Variants in IFI44 observed in about 807,000 individuals in gnomAD.
The protein encoded by IFI44 is interferon induced protein 44.
IFI44 carries 42 observed loss-of-function variants against 45.0 expected under a neutral mutation model. That is an observed-to-expected ratio of 0.93 (90% CI 0.73 to 1.21). IFI44 has a LOEUF of 1.21. Ranked by LOEUF, IFI44 falls within the 50% of genes most tolerant of loss-of-function variation. The pLI is 0.00. For synonymous variants in IFI44, 221 were observed against 188.6 expected (o/e 1.17, Z -1.41); for missense variants, 623 against 525.8 (o/e 1.18, Z -1.81).
chr1:78,650,678 G>T lies in IFI44; in HGVS notation c.457+26G>T, dbSNP rs113609396. The T allele has an allele frequency of 1.2e-5, 17 of 1,432,248 alleles. No homozygotes were observed. The African/African-American group carries it at 1.7e-4, about 14-fold the overall frequency. The allele number at this position is 1,432,248 out of a possible 1,614,324, so 88.7% of individuals were successfully genotyped here. A position where few individuals can be genotyped will look rare whatever the true frequency, so the allele number is the denominator to read the frequency against. On this transcript the variant is annotated intron_variant, in intron 2 of 8. Transcript: ENST00000370747. ...GTAGGTTTAATTAGATAATCCTGTA[G>T]AGAGTTCTCCCTTGCATGTTTGGTA...
chr1:78,656,256 G>C (rs1187270418), intron 5 of IFI44, among the ~76,000 whole-genome samples: 1 of 152,160 alleles, frequency 6.6e-6, no homozygotes, highest in Non-Finnish European at 1.5e-5. Flanking sequence ...AAAACACTGA[G>C]CACTGTCAGT....
chr1:78,655,271 G>A (rs1355741766), intron 4 of IFI44, 62 bp downstream of exon 4: 1 of 1,566,890 alleles, frequency 6.4e-7, no homozygotes, highest in Admixed American at 1.9e-5. Flanking sequence ...TATTTCAAAA[G>A]CCTTTTGCAG....
At chr1:78,657,789 C>G (rs1379247499) in intron 5 of IFI44, among the ~76,000 whole-genome samples, 2 of 152,090 alleles carry the variant, frequency 1.3e-5, no homozygotes, top group Non-Finnish European at 2.9e-5. Flanking sequence ...TTATTAAGAA[C>G]TCAATATGAA....
At chr1:78,653,902 C>T (rs143522348) in intron 2 of IFI44, among the ~76,000 whole-genome samples, 188 of 152,308 alleles carry the variant, frequency 1.2e-3, no homozygotes, top group South Asian at 0.011. Context: ...GATATTCCCA[C>T]ATCTCTAGGC....
At chr1:78,651,310 G>A (rs989000147) in intron 2 of IFI44, among the ~76,000 whole-genome samples, 54 of 152,288 alleles carry the variant, frequency 3.5e-4, no homozygotes, top group Admixed American at 2.0e-3. Context: ...CCATCTTGGG[G>A]TGATGGGAGA....
chr1:78,652,645 G>C (rs571768664), intron 2 of IFI44, among the ~76,000 whole-genome samples: 1 of 152,158 alleles, frequency 6.6e-6, no homozygotes, highest in Non-Finnish European at 1.5e-5. Context: ...TTTGTACGTA[G>C]CAATAGTTTG....
In IFI44 at chr1:78,655,103, T is replaced by A. The variant is rs181332399; in HGVS notation, c.584T>A (p.Ile195Asn). 1 of 1,613,930 alleles carries A rather than the reference T, an allele frequency of 6.2e-7. No individual in the cohort carries two copies. Among genetic ancestry groups the A allele is most frequent in the East Asian group, 2.2e-5 (1 of 44,858 alleles). Reference protein sequence around the residue: ...QQIRILLLGPIGAGKSSFFNS... With the variant: ...QQIRILLLGPNGAGKSSFFNS... ...ATACGAATTCTGCTGCTGGGTCCAA[T>A]TGGAGCTGGGAAGTCCAGCTTTTTC... The change falls in exon 4 of 9, where the codon ATT becomes AAT. Residue 195 changes from isoleucine (I) to asparagine (N), a missense_variant. By Grantham distance (149) the Ile-to-Asn change is moderately radical. Transcript: ENST00000370747.
At chr1:78,661,134 C>G (rs1647426587) in intron 7 of IFI44, among the ~76,000 whole-genome samples, 1 of 152,096 alleles carries the variant, frequency 6.6e-6, no homozygotes, top group African/African-American at 2.4e-5. Flanking sequence ...ATGATTTCGG[C>G]TCACTGCAAC....
Position 78,659,276 on chromosome 1 carries a change from G to C in IFI44, c.841-36G>C, listed in dbSNP as rs57140825. 3.2e-6 allele frequency: 5 copies of C among 1,544,832 alleles called. No homozygotes were observed. The South Asian group carries it at 5.6e-5, about 17-fold the overall frequency. ...ACATAGTTTGTGCTCATAAATATTT[G>C]TTGAATTAATATCTTGCTTTATGTC... is the stretch of plus-strand genomic sequence containing the variant. On this transcript the variant is annotated intron_variant, in intron 5 of 8. Transcript: ENST00000370747.
intron 2 of IFI44, 60 bp downstream of exon 2, chr1:78,650,712 C>A: frequency 1.8e-6 from 2 of 1,109,032 alleles, no homozygotes; most frequent in Non-Finnish European, 2.6e-6. Context: ...TAGGTTTGAA[C>A]CAATTCATCT....
chr1:78,659,514 T>A, intron 6 of IFI44, 31 bp downstream of exon 6: 4 of 1,566,900 alleles, frequency 2.6e-6, no homozygotes, highest in Non-Finnish European at 3.5e-6. Flanking sequence ...CTAAGGGTAA[T>A]ACCACTAAGG....
chr1:78,655,079 T>A lies in IFI44; in HGVS notation c.560T>A (p.Ile187Lys). The part of the protein sequence containing the change: ...YEPYGSLVQQ[I>K]RILLLGPIGA... ...CCATATGGATCCCTGGTTCAACAAA[T>A]ACGAATTCTGCTGCTGGGTCCAATT... Residue 187 changes from isoleucine to lysine, a missense_variant, in exon 4 of 9, where the codon ATA becomes AAA. By Grantham distance (102) the Ile-to-Lys change is moderately radical. Transcript: ENST00000370747. 1 of 1,613,934 alleles carries A rather than the reference T, an allele frequency of 6.2e-7. No individual in the cohort carries two copies. Among genetic ancestry groups the A allele is most frequent in the Non-Finnish European group, 8.5e-7 (1 of 1,179,874 alleles).
chr1:78,663,587 T>C (rs1213281616), intron 8 of IFI44, 178 bp from the exon 9 acceptor site: 1 of 985,272 alleles, frequency 1.0e-6, no homozygotes. Context: ...ACTCTCATGT[T>C]ACTAACTTTG....
intron 5 of IFI44, among the ~76,000 whole-genome samples, chr1:78,655,949 C>T (rs939549288): frequency 6.6e-6 from 1 of 151,992 alleles, no homozygotes; most frequent in Non-Finnish European, 1.5e-5. Flanking sequence ...TTGGAGGTAG[C>T]GACTTTGGGA....
rs754820682 is a variant in IFI44 at position 78,659,353 on chromosome 1, C to T, written c.882C>T (p.Tyr294=). 2 of 1,613,316 alleles carry T rather than the reference C, an allele frequency of 1.2e-6. No homozygotes were observed. Among genetic ancestry groups the T allele is most frequent in the South Asian group, 2.2e-5 (2 of 91,062 alleles). Residue 294 remains tyrosine (Y), a synonymous_variant, in exon 6 of 9, where the codon TAC becomes TAT. Transcript: ENST00000370747. ...CAATCAAATTAAATCATCATGACTA[C>T]ATTGATTCCCCATCGCTGAAGGACA... ...MESIKLNHHD[Y]IDSPSLKDRI...
Position 78,650,477 on chromosome 1 carries a change from A to G in IFI44, c.282A>G (p.Leu94=). Residue 94 remains leucine (L), a synonymous_variant, in exon 2 of 9, where the codon CTA becomes CTG. Transcript: ENST00000370747. ...AAATTTCAGAATGGAAACTAGGACT[A>G]TGTACACCAGAAACACTGTTTTGTT... ...DTKISEWKLG[L]CTPETLFCCD... The G allele has an allele frequency of 6.2e-7, 1 of 1,614,094 alleles. No individual in the cohort carries two copies. Among genetic ancestry groups the G allele is most frequent in the South Asian group, 1.1e-5 (1 of 91,082 alleles).
rs377243494 is a variant in IFI44 at position 78,662,698 on chromosome 1, T to C, written c.1114-6T>C. ...TTGCAATGTCTTTTTAATTTCTGTA[T>C]TGCAGCTAGAGGAAGTCCAAAGAAA... is the stretch of plus-strand genomic sequence containing the variant. On this transcript the variant is annotated splice_region_variant and splice_polypyrimidine_tract_variant and intron_variant, in intron 7 of 8. Transcript: ENST00000370747. 5.5e-5 allele frequency: 89 copies of C among 1,605,590 alleles called. No individual in the cohort carries two copies. In the African/African-American group the frequency reaches 1.1e-3, roughly 20 times the overall value.
At chr1:78,654,379 A>G (rs1209637648) in intron 3 of IFI44, 100 bp downstream of exon 3, 11 of 653,876 alleles carry the variant, frequency 1.7e-5, no homozygotes, top group African/African-American at 3.8e-5. Context: ...ATTATCACAC[A>G]TAACTTGTGG....
intron 5 of IFI44, among the ~76,000 whole-genome samples, chr1:78,656,011 T>C (rs1417362933): frequency 3.3e-5 from 5 of 152,148 alleles, no homozygotes; most frequent in Admixed American, 6.6e-5. Context: ...AGTGCTCTTA[T>C]ATACATAAGA....
Sources: allele counts gnomAD v4.1 joint callset (sites outside exome capture counted in the v4.1 genomes callset), GRCh38; gene constraint gnomAD v4.1.1; transcripts MANE v1.5; gene names NCBI Gene and HGNC (gene_info 2026-07-23, HGNC 2026-07-21).